C22orf23: variants seen among roughly 807,000 people sequenced by gnomAD.
C22orf23 encodes chromosome 22 open reading frame 23, also known as UPF0193 protein EVG1.
In C22orf23, 30 loss-of-function variants were observed where a neutral mutation model predicts 29.7. The ratio of observed to expected loss-of-function variants is 1.01; its 90% confidence interval spans 0.76 to 1.37. The LOEUF (loss-of-function observed/expected upper bound fraction) is 1.37. C22orf23 is among the 40% of genes most tolerant of loss of function. The probability of loss-of-function intolerance (pLI) is 0.00; values close to 1 mark genes in which losing one functional copy is unlikely to be tolerated. For synonymous variants in C22orf23, 90 were observed against 96.1 expected (o/e 0.94, Z 0.37); for missense variants, 237 against 273.1 (o/e 0.87, Z 0.93).
intron 3 of C22orf23, among the ~76,000 whole-genome samples, chr22:37,947,996 G>A (rs940885313): frequency 6.6e-6 from 1 of 151,602 alleles, no homozygotes; most frequent in South Asian, 2.1e-4. Flanking sequence ...AGTCCCTACT[G>A]CTCGGGAGGC....
At chr22:37,944,772 G>C (rs968189072) in intron 5 of C22orf23, 1 of 565,168 alleles carries the variant, frequency 1.8e-6, no homozygotes, top group African/African-American at 1.9e-5. Context: ...GGTGGCGGGC[G>C]CTGGTAATCC....
In C22orf23 at chr22:37,953,465, G is replaced by A. The variant is rs556842702; in HGVS notation, c.-27C>T. ...AATTTCACCCTAAGACCCTCTCTGG[G>A]TGCTCCCCTCTCCACATAGAAGTGG... On this transcript the variant is annotated 5_prime_UTR_variant, in exon 1 of 7. Transcript: ENST00000403305. 96 of 545,658 alleles carry A rather than the reference G, an allele frequency of 1.8e-4. No individual in the cohort carries two copies. The East Asian group carries it at 3.0e-3, about 17-fold the overall frequency. The allele number at this position is 545,658 out of a possible 1,614,324, so 33.8% of individuals were successfully genotyped here. A position where few individuals can be genotyped will look rare whatever the true frequency, so the allele number is the denominator to read the frequency against.
chr22:37,952,049 A>G (rs1931075663), intron 2 of C22orf23, among the ~76,000 whole-genome samples: 1 of 151,850 alleles, frequency 6.6e-6, no homozygotes, highest in Admixed American at 6.6e-5. Context: ...TCCTAACCTC[A>G]GGTGATCTGC....
rs374961136 is a variant in C22orf23, at chr22:37,944,368, C to A, written c.582+49G>T. ...AGCAGACCCTGTATTTCCATTCGCA[C>A]TTGGCGCTGGGCCCTTCCCCTCCCC... On this transcript the variant is annotated intron_variant, in intron 6 of 6. Coordinates refer to ENST00000403305, the MANE Select transcript of C22orf23 (RefSeq NM_032561.5). The A allele has an allele frequency of 6.8e-6, 11 of 1,613,362 alleles. No individual in the cohort carries two copies. The South Asian group carries it at 1.1e-4, about 16-fold the overall frequency.
At chr22:37,946,609 G>T (rs1930717625) in intron 4 of C22orf23, among the ~76,000 whole-genome samples, 1 of 151,416 alleles carries the variant, frequency 6.6e-6, no homozygotes, top group Admixed American at 6.6e-5. Context: ...GCCGGGAGCG[G>T]TCGTTTGTGC....
At chr22:37,952,827 C>T (rs910898279) in intron 2 of C22orf23, 2 of 468,472 alleles carry the variant, frequency 4.3e-6, no homozygotes, top group Non-Finnish European at 3.8e-6. Flanking sequence ...TCAGTGACGG[C>T]CTTAGATTCT....
At chr22:37,951,799 T>C (rs1307822127) in intron 2 of C22orf23, 8 of 51,722 alleles carry the variant, frequency 1.5e-4, no homozygotes, top group African/African-American at 7.4e-4. Flanking sequence ...CTCTTTCTCT[T>C]TTTTTTTTTT....
At chr22:37,944,314 G>C (rs1930561349) in intron 6 of C22orf23, 68 bp from the exon 7 acceptor site, 2 of 1,613,628 alleles carry the variant, frequency 1.2e-6, no homozygotes. Flanking sequence ...ACAGCAGTGA[G>C]CTAGAGCCTG....
rs762038973 is a variant in C22orf23, at chr22:37,947,442, T to C, written c.188A>G (p.Gln63Arg). 1.1e-5 allele frequency: 18 copies of C among 1,591,104 alleles called. No individual in the cohort carries two copies. The highest frequency in any genetic ancestry group is 1.5e-5 in the Non-Finnish European group (18 of 1,168,102). The change falls in exon 4 of 7, where the codon CAG (glutamine) becomes CGG (arginine). Residue 63 changes from glutamine to arginine, a missense_variant. By Grantham distance (43) the Gln-to-Arg change is conservative. Coordinates refer to ENST00000403305, the MANE Select transcript of C22orf23 (RefSeq NM_032561.5). ...IMKRGDALPL[Q>R]CSPTSSQRVL... is the part of the protein sequence containing the mutation. Reference sequence around the variant, plus strand: ...TCTCTGGCTGGATGTTGGGCTGCACTGTAGGGGCAAAGCATCTCCTCCTGG... The same window carrying C: ...TCTCTGGCTGGATGTTGGGCTGCACCGTAGGGGCAAAGCATCTCCTCCTGG...
chr22:37,948,742 TC>T (rs1930847990), intron 3 of C22orf23, among the ~76,000 whole-genome samples: 1 of 152,202 alleles, frequency 6.6e-6, no homozygotes, highest in South Asian at 2.1e-4. Flanking sequence ...TTTGGTGGTC[TC>T]CTTCCTTTTT....
At chr22:37,951,366 T>G in intron 3 of C22orf23, 94 bp downstream of exon 3, 11 of 1,150,242 alleles carry the variant, frequency 9.6e-6, no homozygotes, top group Non-Finnish European at 1.4e-5. Context: ...TTTGTTTTTT[T>G]TATATGAGGT....
At chr22:37,949,194 C>A (rs2145703353) in intron 3 of C22orf23, among the ~76,000 whole-genome samples, 1 of 152,220 alleles carries the variant, frequency 6.6e-6, no homozygotes, top group Non-Finnish European at 1.5e-5. Flanking sequence ...GGGCTTCTCC[C>A]CCAGGCGATC....
rs372067279 is a variant in C22orf23, at chr22:37,947,271, C to T, written c.349+10G>A. On this transcript the variant is annotated intron_variant, in intron 4 of 6. Transcript: ENST00000403305. ...GATGGAGAAAGGCCCTAGCTGAGACCCTCACTTACTGGTGGCTTGAGGCTT... is the reference window on the plus strand; with the variant it reads ...GATGGAGAAAGGCCCTAGCTGAGACTCTCACTTACTGGTGGCTTGAGGCTT... The T allele has an allele frequency of 1.2e-5, 20 of 1,613,950 alleles. 1 individual carries two copies. The African/African-American group carries it at 1.5e-4, about 12-fold the overall frequency.
intron 1 of C22orf23, 105 bp from the exon 2 acceptor site, chr22:37,953,263 A>C (rs1175870453): frequency 2.7e-6 from 2 of 735,352 alleles, no homozygotes; most frequent in African/African-American, 3.5e-5. Context: ...ATCGAGCCAG[A>C]GAATGATGCC....
At chr22:37,948,046 G>A (rs117123358) in intron 3 of C22orf23, among the ~76,000 whole-genome samples, 12,551 of 152,036 alleles carry the variant, frequency 0.083, 677 homozygotes, top group Non-Finnish European at 0.12. Flanking sequence ...GGTGGGACTT[G>A]CAGTGAGCTG....
chr22:37,946,181 C>A (rs1475049954), intron 4 of C22orf23, among the ~76,000 whole-genome samples: 1 of 151,932 alleles, frequency 6.6e-6, no homozygotes, highest in Non-Finnish European at 1.5e-5. Flanking sequence ...ATGGCGTGAA[C>A]CTGGGAGGTG....
intron 3 of C22orf23, 108 bp from the exon 4 acceptor site, chr22:37,947,571 C>T (rs181692667): frequency 6.3e-5 from 60 of 953,414 alleles, no homozygotes; most frequent in African/African-American, 2.1e-4. Flanking sequence ...AGTGCAGCGG[C>T]GCGATCTCGG....
In C22orf23 at chr22:37,951,540, C is replaced by G. The variant is rs9610883; in HGVS notation, c.104-18G>C. ...CATCATCACTGCACGACAAAGCATT[C>G]TATGAGGCCTCTTGGGCTGCAGGCG... On this transcript the variant is annotated intron_variant, in intron 2 of 6. Coordinates refer to ENST00000403305, the MANE Select transcript of C22orf23 (RefSeq NM_032561.5). 1 of 1,613,044 alleles carries G rather than the reference C, an allele frequency of 6.2e-7. No homozygotes were observed. The highest frequency in any genetic ancestry group is 2.2e-5 in the East Asian group (1 of 44,854).
chr22:37,953,615 C>T (rs1306331697), upstream of C22orf23: 1 of 726,252 alleles, frequency 1.4e-6, no homozygotes, highest in African/African-American at 1.8e-5. Flanking sequence ...AACGCGCACA[C>T]ACCAGTCAGC....
Sources: gnomAD v4.1 joint callset for allele counts (sites outside exome capture counted in the v4.1 genomes callset) on GRCh38, gnomAD v4.1.1 for gene constraint, MANE v1.5 for transcripts, NCBI Gene and HGNC (gene_info 2026-07-23, HGNC 2026-07-21) for gene names.